ABCG1: variants seen among roughly 807,000 people sequenced by gnomAD.
The protein encoded by ABCG1 is ATP binding cassette subfamily G member 1, also known as ATP-binding cassette sub-family G member 1.
Under a neutral mutation model 69.2 loss-of-function variants are expected in ABCG1, and 29 were observed. The ratio of observed to expected loss-of-function variants is 0.42; its 90% CI spans 0.31 to 0.57. The LOEUF (loss-of-function observed/expected upper bound fraction) is 0.57. ABCG1 is among the 20% of genes least tolerant of loss of function. The probability of loss-of-function intolerance (pLI) is 0.15; values close to 1 mark genes in which losing one functional copy is unlikely to be tolerated. For synonymous variants in ABCG1, 370 were observed against 374.8 expected, an observed-to-expected ratio of 0.99 and a Z score of 0.15; for missense variants, 718 against 898.1, an observed-to-expected ratio of 0.80 and a Z score of 2.56.
At chr21:42,270,121 A>T (rs988513140) in intron 2 of ABCG1, among the ~76,000 whole-genome samples, 1 of 152,108 alleles carries the variant, frequency 6.6e-6, no homozygotes, top group South Asian at 2.1e-4. Flanking sequence ...TTAGCCAGGC[A>T]TGGTGGCAGG....
At chr21:42,246,029 G>A (rs1470106914) in intron 2 of ABCG1, among the ~76,000 whole-genome samples, 3 of 152,180 alleles carry the variant, frequency 2.0e-5, no homozygotes, top group East Asian at 1.9e-4. Context: ...GCAGGCGGGG[G>A]ACATGGTGAG....
At chr21:42,240,661 C>T (rs575781419) in intron 2 of ABCG1, among the ~76,000 whole-genome samples, 6 of 152,340 alleles carry the variant, frequency 3.9e-5, no homozygotes, top group Admixed American at 6.5e-5. Flanking sequence ...TTGGCCAGGC[C>T]GGTCTCGAAC....
intron 2 of ABCG1, 95 bp downstream of exon 2, chr21:42,226,009 G>A: frequency 7.0e-7 from 1 of 1,426,834 alleles, no homozygotes. Flanking sequence ...GAGGTTGAGA[G>A]GCTGAGCTTC....
At chr21:42,286,122 T>C in intron 8 of ABCG1, 128 bp downstream of exon 8, 3 of 681,908 alleles carry the variant, frequency 4.4e-6, no homozygotes, top group Non-Finnish European at 7.7e-6. Context: ...TGTCATCCAG[T>C]TATAAAACGT....
chr21:42,279,350 C>T (rs1341102594), intron 5 of ABCG1, among the ~76,000 whole-genome samples: 1 of 152,148 alleles, frequency 6.6e-6, no homozygotes, highest in African/African-American at 2.4e-5. Flanking sequence ...CGGGGATCAC[C>T]GGAGGCCGGG....
chr21:42,259,431 G>A (rs1273545214), intron 2 of ABCG1: 1 of 1,549,612 alleles, frequency 6.5e-7, no homozygotes, highest in East Asian at 2.4e-5. Context: ...AGCTCTTCAG[G>A]GAAAAAGGGT....
At chr21:42,258,819 C>A (rs1243512844) in intron 2 of ABCG1, among the ~76,000 whole-genome samples, 1 of 152,198 alleles carries the variant, frequency 6.6e-6, no homozygotes. Context: ...AGTGGTGCCC[C>A]CAGCAGCAGC....
At chr21:42,284,494 C>T (rs972927355) in intron 6 of ABCG1, 66 bp from the exon 7 acceptor site, 67 of 1,583,014 alleles carry the variant, frequency 4.2e-5, no homozygotes, top group Non-Finnish European at 5.3e-5. Flanking sequence ...CCTGGACCCC[C>T]GGAACCTGGG....
chr21:42,215,777 G>T (rs1015069351), upstream of ABCG1, among the ~76,000 whole-genome samples: 1 of 152,242 alleles, frequency 6.6e-6, no homozygotes, highest in Non-Finnish European at 1.5e-5. Flanking sequence ...TGGCTGGCCA[G>T]GGCCTACTCT....
intron 2 of ABCG1, among the ~76,000 whole-genome samples, chr21:42,243,793 G>A (rs892221932): frequency 6.9e-6 from 1 of 145,912 alleles, no homozygotes; most frequent in African/African-American, 2.5e-5. Context: ...TTCCTCTTCT[G>A]TAAGCCCTCT....
chr21:42,282,406 G>C lies in ABCG1; in HGVS notation c.721G>C (p.Asp241His). 1.2e-6 allele frequency: 2 copies of C among 1,612,686 alleles called. No homozygotes were observed. Among genetic ancestry groups the C allele is most frequent in the Non-Finnish European group, 1.7e-6 (2 of 1,179,010 alleles). Residue 241 changes from aspartate (D) to histidine (H), a missense_variant, in exon 6 of 15, where the codon GAT becomes CAT. Coordinates refer to ENST00000398449, the MANE Select transcript of ABCG1 (RefSeq NM_016818.3). ...LVNNPPVMFF[D>H]EPTSGLDSAS... ...GAACAACCCTCCAGTCATGTTCTTC[G>C]ATGAGCCCACCAGGTAAGTCAGGAG...
At chr21:42,249,050 A>G (rs1368275130) in intron 2 of ABCG1, among the ~76,000 whole-genome samples, 1 of 152,246 alleles carries the variant, frequency 6.6e-6, no homozygotes, top group Non-Finnish European at 1.5e-5. Flanking sequence ...AGAAAAAGCA[A>G]TTCCTGGAAC....
Position 42,288,378 on chromosome 21 carries a change from G to T in ABCG1, c.1224+66G>T. ...TGGGTCATTTTCTCAGACTCGTCCT[G>T]ACGGAATGTGTTCGTTCATTCTCAC... On this transcript the variant is annotated intron_variant, in intron 10 of 14. Coordinates refer to ENST00000398449, the MANE Select transcript of ABCG1 (RefSeq NM_016818.3). This position sits in a 1 kb window ranked among gnomAD's most constrained non-coding sequence, Gnocchi z 4.8. The T allele has an allele frequency of 8.3e-7, 1 of 1,198,198 alleles. No individual in the cohort carries two copies. The highest frequency in any genetic ancestry group is 1.8e-5 in the Admixed American group (1 of 54,070). 74.2% of individuals were successfully genotyped at this position (1,198,198 alleles called of 1,614,324 possible).
At chr21:42,225,935 G>T (rs767915977) in intron 2 of ABCG1, 21 bp downstream of exon 2, 16 of 1,607,152 alleles carry the variant, frequency 1.0e-5, no homozygotes, top group Non-Finnish European at 1.4e-5. Context: ...CGGCTGCTTT[G>T]TGTATCAAGC....
chr21:42,251,363 T>C (rs1601393844), intron 2 of ABCG1, among the ~76,000 whole-genome samples: 1 of 152,192 alleles, frequency 6.6e-6, no homozygotes, highest in African/African-American at 2.4e-5. Context: ...AGGTACGTGT[T>C]GTTACCTCAG....
intron 2 of ABCG1, among the ~76,000 whole-genome samples, chr21:42,210,375 T>C (rs8134682): frequency 0.025 from 3,862 of 152,174 alleles, 156 homozygotes; most frequent in African/African-American, 0.087. Context: ...AGCAGGTATT[T>C]GTTATGGGTG....
intron 2 of ABCG1, among the ~76,000 whole-genome samples, chr21:42,229,686 C>T (rs1413616702): frequency 6.6e-6 from 1 of 151,954 alleles, no homozygotes; most frequent in Non-Finnish European, 1.5e-5. Context: ...TACCATTGTA[C>T]TCCAGCCCAG....
intron 2 of ABCG1, chr21:42,259,192 C>T: frequency 4.3e-6 from 6 of 1,405,044 alleles, no homozygotes; most frequent in Non-Finnish European, 5.6e-6. Flanking sequence ...GACGACATTG[C>T]GTTCCCAGAT....
intron 2 of ABCG1, among the ~76,000 whole-genome samples, chr21:42,243,814 C>CTTTTTTTTT (rs11402831): frequency 4.2e-5 from 4 of 94,212 alleles, no homozygotes; most frequent in Admixed American, 2.6e-4. Context: ...TTATCTTTGG[C>CTTTTTTTTT]TTTTTTTTTT....
Sources: allele counts gnomAD v4.1 joint callset (sites outside exome capture counted in the v4.1 genomes callset), GRCh38; gene constraint gnomAD v4.1.1; non-coding constraint Gnocchi (gnomAD v3.1); transcripts MANE v1.5; gene names NCBI Gene and HGNC (gene_info 2026-07-23, HGNC 2026-07-21).